Variants in EVC2 observed in about 807,000 individuals in gnomAD.
EVC2 encodes the protein limbin.
A neutral mutation model predicts 149.3 loss-of-function variants in EVC2; 148 were observed. The observed-to-expected ratio is 0.99, with a 90% CI of 0.87 to 1.14. The LOEUF is 1.14. EVC2 is among the 50% of genes most tolerant of loss of function. The pLI, the probability that EVC2 is intolerant of heterozygous loss-of-function variation, is 0.00. For missense variants in EVC2, 1,854 were observed against 1,627.3 expected (o/e 1.14, Z -2.40); for synonymous variants, 776 against 649.9 (o/e 1.19, Z -2.95).
chr4:5,549,201 C>CA (rs1323646755), intron 21 of EVC2, among the ~76,000 whole-genome samples: 1 of 152,158 alleles, frequency 6.6e-6, no homozygotes, highest in African/African-American at 2.4e-5. Flanking sequence ...ATAATTTCAT[C>CA]AATAATACAA....
chr4:5,589,481 C>T (rs767499088), intron 16 of EVC2, among the ~76,000 whole-genome samples: 6 of 152,164 alleles, frequency 3.9e-5, no homozygotes, highest in Non-Finnish European at 7.3e-5. Flanking sequence ...CTCTGTGCAG[C>T]TCTTTCTTTT....
intron 19 of EVC2, among the ~76,000 whole-genome samples, chr4:5,571,464 T>A (rs996819585): frequency 2.0e-5 from 3 of 149,746 alleles, no homozygotes; most frequent in Non-Finnish European, 1.5e-5. Context: ...AAAAAAAAAA[T>A]TAAAGAAATG....
chr4:5,695,486 G>A (rs1721417221), intron 2 of EVC2, among the ~76,000 whole-genome samples: 1 of 152,218 alleles, frequency 6.6e-6, no homozygotes, highest in African/African-American at 2.4e-5. Context: ...GGGCTGTCAG[G>A]GTCCCTCTTC....
At chr4:5,584,493 T>A (rs968515202) in intron 17 of EVC2, 130 bp downstream of exon 17, 1 of 949,434 alleles carries the variant, frequency 1.1e-6, no homozygotes, top group African/African-American at 1.6e-5. Flanking sequence ...GTCACTTCGT[T>A]TAATCCTCAC....
intron 1 of EVC2, among the ~76,000 whole-genome samples, chr4:5,702,407 C>A (rs1721881862): frequency 6.6e-6 from 1 of 152,228 alleles, no homozygotes; most frequent in African/African-American, 2.4e-5. Context: ...ATATTTCAAG[C>A]ATTTAGGACA....
Position 5,669,475 on chromosome 4 carries a change from G to A in EVC2, c.871-3826C>T, listed in dbSNP as rs559067507. On this transcript the variant is annotated intron_variant, in intron 7 of 21. Transcript: ENST00000344408. ...GAGCTGGACACTACTTACTGTCCAG[G>A]GGGCTGTATGTTTTTCTAAAATGTT... Among the ~76,000 whole-genome samples the A allele has an allele frequency of 1.6e-4, 24 of 152,286 alleles. No homozygotes were observed. The East Asian group carries it at 2.3e-3, about 15-fold the overall frequency.
chr4:5,618,686 G>A lies in EVC2; in HGVS notation c.2502-4C>T. On this transcript the variant is annotated splice_region_variant and splice_polypyrimidine_tract_variant and intron_variant, in intron 14 of 21. Transcript: ENST00000344408. This position sits in a 1 kb window ranked among gnomAD's most constrained non-coding sequence, Gnocchi z 4.4. ...GAAGACTGAGGAGCAGAGCTTCCTGGGAGGAAGAACAGAGACACACTCTTA... is the reference window on the plus strand; with the variant it reads ...GAAGACTGAGGAGCAGAGCTTCCTGAGAGGAAGAACAGAGACACACTCTTA... The A allele has an allele frequency of 1.3e-6, 2 of 1,586,488 alleles. No individual in the cohort carries two copies. The highest frequency in any genetic ancestry group is 2.3e-5 in the East Asian group (1 of 43,302).
intron 3 of EVC2, among the ~76,000 whole-genome samples, chr4:5,691,803 C>G (rs1721139319): frequency 1.3e-5 from 2 of 152,262 alleles, no homozygotes; most frequent in South Asian, 4.1e-4. Flanking sequence ...ATCCCCCCAC[C>G]AATGCTTGGC....
intron 9 of EVC2, among the ~76,000 whole-genome samples, chr4:5,658,010 G>T (rs1312466285): frequency 6.6e-6 from 1 of 152,106 alleles, no homozygotes; most frequent in Non-Finnish European, 1.5e-5. Context: ...TCCATTAGAA[G>T]CATCCTCTCC....
downstream of EVC2, among the ~76,000 whole-genome samples, chr4:5,542,321 G>A (rs1198925667): frequency 1.3e-5 from 2 of 152,096 alleles, no homozygotes; most frequent in Non-Finnish European, 2.9e-5. Flanking sequence ...CAGGCATAGT[G>A]GCGCATGTCT....
chr4:5,595,463 A>G (rs947193886), intron 16 of EVC2, among the ~76,000 whole-genome samples: 2 of 152,192 alleles, frequency 1.3e-5, no homozygotes, highest in Non-Finnish European at 2.9e-5. Context: ...ATATCCCGCC[A>G]AACTAAGCTT....
At chr4:5,648,125 T>C (rs1172879550) in intron 9 of EVC2, among the ~76,000 whole-genome samples, 1 of 152,234 alleles carries the variant, frequency 6.6e-6, no homozygotes, top group Non-Finnish European at 1.5e-5. Context: ...TTAATTGGGA[T>C]AGCCATCACC....
chr4:5,703,550 A>C (rs1471457441), intron 1 of EVC2, among the ~76,000 whole-genome samples: 1 of 152,222 alleles, frequency 6.6e-6, no homozygotes, highest in Non-Finnish European at 1.5e-5. Flanking sequence ...CTAGACTCTC[A>C]GCCCGGGTTC....
chr4:5,654,633 T>G (rs1449274151), intron 9 of EVC2, among the ~76,000 whole-genome samples: 1 of 151,990 alleles, frequency 6.6e-6, no homozygotes, highest in East Asian at 1.9e-4. Context: ...GTTTTCTGAA[T>G]TCCACACTGT....
At chr4:5,676,072 C>T (rs1719969799) in intron 7 of EVC2, among the ~76,000 whole-genome samples, 1 of 152,162 alleles carries the variant, frequency 6.6e-6, no homozygotes, top group Non-Finnish European at 1.5e-5. Context: ...GTGATCTGTT[C>T]TCCTGGTGCC....
chr4:5,611,642 A>G (rs765229087), intron 16 of EVC2, among the ~76,000 whole-genome samples: 1 of 152,226 alleles, frequency 6.6e-6, no homozygotes, highest in Non-Finnish European at 1.5e-5. Context: ...GATATAAAGC[A>G]CTGAAAATGT....
chr4:5,651,570 T>C (rs1483179708), intron 9 of EVC2, among the ~76,000 whole-genome samples: 1 of 152,180 alleles, frequency 6.6e-6, no homozygotes, highest in Non-Finnish European at 1.5e-5. Flanking sequence ...GAAACTCTTA[T>C]TTGGAAAGGC....
At chr4:5,629,888 T>C (rs1716400563) in intron 11 of EVC2, among the ~76,000 whole-genome samples, 2 of 152,234 alleles carry the variant, frequency 1.3e-5, no homozygotes, top group South Asian at 2.1e-4. Context: ...AATACTCTCA[T>C]AGCTCTGGTC....
rs774288170 is a variant in EVC2 at position 5,584,614 on chromosome 4, T to A, written c.3057+9A>T. ...CTGTCCCCCTCTCCTTCCCAGCGCCTGCACTCACCCGGCTGTGCGACTCCA... is the reference window on the plus strand; with the variant it reads ...CTGTCCCCCTCTCCTTCCCAGCGCCAGCACTCACCCGGCTGTGCGACTCCA... On this transcript the variant is annotated intron_variant, in intron 17 of 21. Coordinates refer to ENST00000344408, the MANE Select transcript of EVC2 (RefSeq NM_147127.5). The A allele has an allele frequency of 2.7e-5, 44 of 1,611,498 alleles. No homozygotes were observed. Among genetic ancestry groups the A allele is most frequent in the Non-Finnish European group, 3.7e-5 (44 of 1,178,978 alleles).
Sources: gnomAD v4.1 joint callset for allele counts (sites outside exome capture counted in the v4.1 genomes callset) on GRCh38, gnomAD v4.1.1 for gene constraint, Gnocchi (gnomAD v3.1) non-coding constraint, MANE v1.5 for transcripts, NCBI Gene and HGNC (gene_info 2026-07-23, HGNC 2026-07-21) for gene names.